NALF1: variants seen among roughly 807,000 people sequenced by gnomAD.
The protein encoded by NALF1 is NALCN channel auxiliary factor 1, also known as family with sequence similarity 155 member A.
NALF1 carries 3 observed loss-of-function variants against 48.4 expected under a neutral mutation model. That is an observed-to-expected ratio of 0.06 (90% confidence interval 0.03 to 0.16). The LOEUF (loss-of-function observed/expected upper bound fraction) is 0.16. NALF1 is among the 10% of genes least tolerant of loss of function. The pLI is 1.00. For synonymous variants in NALF1, 262 were observed against 245.7 expected (o/e 1.07, Z -0.62); for missense variants, 526 against 571.5 (o/e 0.92, Z 0.81).
At chr13:107,334,194 T>C (rs1181692106) in intron 1 of NALF1, among the ~76,000 whole-genome samples, 5 of 152,216 alleles carry the variant, frequency 3.3e-5, no homozygotes, top group Non-Finnish European at 7.3e-5. Flanking sequence ...AGTATGGTAG[T>C]AATAGTCTAA....
chr13:107,693,684 T>C (rs1468116751), intron 1 of NALF1, among the ~76,000 whole-genome samples: 2 of 152,094 alleles, frequency 1.3e-5, no homozygotes, highest in African/African-American at 4.8e-5. Context: ...TTTAGTACTT[T>C]CTACTATATC....
At chr13:107,243,191 C>T (rs1254023964) in intron 1 of NALF1, among the ~76,000 whole-genome samples, 2 of 152,178 alleles carry the variant, frequency 1.3e-5, no homozygotes, top group African/African-American at 4.8e-5. Context: ...GATCTCTCTC[C>T]CTAAAGTCTG....
chr13:107,562,110 C>T (rs1006673265), intron 1 of NALF1, among the ~76,000 whole-genome samples: 1 of 152,152 alleles, frequency 6.6e-6, no homozygotes, highest in Non-Finnish European at 1.5e-5. Context: ...TTTGACCTTG[C>T]CTTGACATCT....
intron 1 of NALF1, among the ~76,000 whole-genome samples, chr13:107,630,724 G>C (rs1366961256): frequency 6.8e-6 from 1 of 147,068 alleles, no homozygotes; most frequent in African/African-American, 2.4e-5. Flanking sequence ...ACAAAAAGGA[G>C]TTCTGAAATA....
intron 1 of NALF1, among the ~76,000 whole-genome samples, chr13:107,531,005 C>T (rs1269841041): frequency 9.3e-6 from 1 of 107,808 alleles, no homozygotes; most frequent in East Asian, 2.5e-4. Flanking sequence ...CTCTGCTGAA[C>T]ATTGTCATTC....
intron 1 of NALF1, among the ~76,000 whole-genome samples, chr13:107,707,248 C>G (rs539323917): frequency 6.6e-6 from 1 of 152,280 alleles, no homozygotes; most frequent in East Asian, 1.9e-4. Context: ...TATTATGTCA[C>G]TAGACATTTC....
At chr13:107,735,763 C>G (rs2138539699) in intron 1 of NALF1, among the ~76,000 whole-genome samples, 1 of 152,250 alleles carries the variant, frequency 6.6e-6, no homozygotes. Context: ...GTAGTTGCCT[C>G]TATTTTGGCA....
At chr13:107,173,817 C>T (rs1277648889) in intron 2 of NALF1, among the ~76,000 whole-genome samples, 1 of 152,148 alleles carries the variant, frequency 6.6e-6, no homozygotes, top group Non-Finnish European at 1.5e-5. Context: ...TAGAAATGAT[C>T]GTTCTTCAGA....
At chr13:107,240,418 C>T (rs1488968506) in intron 1 of NALF1, among the ~76,000 whole-genome samples, 1 of 152,188 alleles carries the variant, frequency 6.6e-6, no homozygotes, top group Non-Finnish European at 1.5e-5. Flanking sequence ...ATCTCTATCT[C>T]AGTTTCCTAA....
At chr13:107,538,017 A>AAAC (rs367954614) in intron 1 of NALF1, among the ~76,000 whole-genome samples, 1 of 152,072 alleles carries the variant, frequency 6.6e-6, no homozygotes, top group East Asian at 1.9e-4. Flanking sequence ...ACCCCATCTC[A>AAAC]AACAACAACA....
At chr13:107,522,917 C>T (rs1876294421) in intron 1 of NALF1, among the ~76,000 whole-genome samples, 1 of 151,890 alleles carries the variant, frequency 6.6e-6, no homozygotes, top group African/African-American at 2.4e-5. Context: ...CGTGCCTGGC[C>T]CCTCCAGATT....
At chr13:107,531,882 T>G (rs1876650891) in intron 1 of NALF1, among the ~76,000 whole-genome samples, 1 of 152,174 alleles carries the variant, frequency 6.6e-6, no homozygotes, top group Non-Finnish European at 1.5e-5. Flanking sequence ...TTTTAAAAAT[T>G]AATTTTATGC....
intron 1 of NALF1, among the ~76,000 whole-genome samples, chr13:107,528,297 G>A (rs1876510869): frequency 6.6e-6 from 1 of 152,036 alleles, no homozygotes; most frequent in Admixed American, 6.6e-5. Context: ...TAAACGTTAT[G>A]TCATAATAAG....
At chr13:107,764,422 CTT>C (rs1877365768) in intron 1 of NALF1, among the ~76,000 whole-genome samples, 1 of 151,880 alleles carries the variant, frequency 6.6e-6, no homozygotes, top group South Asian at 2.1e-4. Context: ...ATATATAACA[CTT>C]ATACATCTGT....
chr13:107,634,597 C>T (rs150099427), intron 1 of NALF1, among the ~76,000 whole-genome samples: 158 of 152,072 alleles, frequency 1.0e-3, no homozygotes, highest in African/African-American at 3.6e-3. Context: ...GCAAAGGATT[C>T]AGAAAACCAG....
rs12855406 is a variant in NALF1 at position 107,391,412 on chromosome 13, A to G, written c.916-180657T>C. Among the ~76,000 whole-genome samples the G allele has an allele frequency of 8.0e-3, 1,222 of 152,312 alleles. 13 individuals are homozygous for G. The highest frequency in any genetic ancestry group is 0.013 in the Non-Finnish European group (892 of 68,034). On this transcript the variant is annotated intron_variant, in intron 1 of 2. Transcript: ENST00000375915. ...AAAGGAAAAAATATTTAACCCCCAAATACATTTCCTTGCCATACCTTGAAA... is the reference window on the plus strand; with the variant it reads ...AAAGGAAAAAATATTTAACCCCCAAGTACATTTCCTTGCCATACCTTGAAA...
intron 1 of NALF1, among the ~76,000 whole-genome samples, chr13:107,792,282 G>C (rs1371047856): frequency 2.0e-5 from 3 of 151,978 alleles, no homozygotes; most frequent in Non-Finnish European, 2.9e-5. Context: ...TCCAGACATG[G>C]ATTATTTTAA....
At chr13:107,856,909 A>T (rs145558798) in intron 1 of NALF1, among the ~76,000 whole-genome samples, 184 of 152,278 alleles carry the variant, frequency 1.2e-3, no homozygotes, top group Middle Eastern at 6.8e-3. Context: ...TTTGTAGGAG[A>T]GCAACTCCTT....
At chr13:107,213,230 C>CAAAAAAAAAAAAA (rs386380636) in intron 1 of NALF1, among the ~76,000 whole-genome samples, 15 of 103,366 alleles carry the variant, frequency 1.5e-4, no homozygotes, top group South Asian at 4.0e-4. Flanking sequence ...TTTTTTAACT[C>CAAAAAAAAAAAAA]AAAAAAAAAA....
Sources: gnomAD v4.1 joint callset for allele counts (sites outside exome capture counted in the v4.1 genomes callset) on GRCh38, gnomAD v4.1.1 for gene constraint, MANE v1.5 for transcripts, NCBI Gene and HGNC (gene_info 2026-07-23, HGNC 2026-07-21) for gene names.